The following DOCK10 variants were observed in gnomAD, a reference collection of about 807,000 sequenced individuals.
DOCK10 encodes the protein dedicator of cytokinesis protein 10.
In DOCK10, 145 loss-of-function variants were observed where a neutral mutation model predicts 280.1. The observed-to-expected ratio is 0.52, with a 90% CI of 0.45 to 0.59. DOCK10 has a LOEUF of 0.59. Among genes scored for constraint, DOCK10 ranks in the 20% least tolerant of loss-of-function variants. DOCK10 has a pLI of 0.00. For synonymous variants in DOCK10, 915 were observed against 942.2 expected, an observed-to-expected ratio of 0.97 and a Z score of 0.53; for missense variants, 2,368 against 2,651.7, an observed-to-expected ratio of 0.89 and a Z score of 2.35.
chr2:224,785,919 G>A (rs533235577), intron 50 of DOCK10, among the ~76,000 whole-genome samples: 5 of 152,312 alleles, frequency 3.3e-5, no homozygotes, highest in African/African-American at 4.8e-5. Flanking sequence ...AGCTGAGGCC[G>A]GGTGTGGTGG....
chr2:224,956,554 G>A (rs1360371491), intron 1 of DOCK10, among the ~76,000 whole-genome samples: 1 of 151,154 alleles, frequency 6.6e-6, no homozygotes, highest in African/African-American at 2.4e-5. Context: ...AACCTCGGAG[G>A]TGGAGGTTGC....
chr2:224,885,285 C>A (rs1450448910), intron 7 of DOCK10, among the ~76,000 whole-genome samples: 1 of 152,200 alleles, frequency 6.6e-6, no homozygotes. Flanking sequence ...CAGGTGTGAG[C>A]CCCTGCGCCT....
At chr2:224,921,108 A>ATATATATATATATATATAT (rs1553613930) in intron 2 of DOCK10, among the ~76,000 whole-genome samples, 3 of 71,064 alleles carry the variant, frequency 4.2e-5, no homozygotes, top group African/African-American at 3.1e-4. Flanking sequence ...AAAAAAAAAA[A>ATATATATATATATATATAT]AAAAATATAT....
At chr2:224,951,030 T>G (rs1211513407) in intron 1 of DOCK10, among the ~76,000 whole-genome samples, 1 of 152,168 alleles carries the variant, frequency 6.6e-6, no homozygotes, top group African/African-American at 2.4e-5. Flanking sequence ...AAAGATTCAG[T>G]GTGAGAGATA....
Position 224,774,976 on chromosome 2 carries a change from G to A in DOCK10, c.5942C>T (p.Thr1981Ile). Reference sequence around the variant, plus strand: ...CTTCTTGCCCGACAGCGTGAAGGGTGTCTCGAAGACAAAGCGGTTGATGTT... The same window carrying A: ...CTTCTTGCCCGACAGCGTGAAGGGTATCTCGAAGACAAAGCGGTTGATGTT... ...HHNINRFVFE[T>I]PFTLSGKKHG... Residue 1981 changes from threonine (T) to isoleucine (I), a missense_variant, in exon 52 of 56, where the codon ACA becomes ATA. Around this residue, in one of 2 missense-constraint regions of DOCK10, gnomAD observed 1,159 missense variants for 1,400.8 expected, o/e 0.83. Coordinates refer to ENST00000258390, the MANE Select transcript of DOCK10 (RefSeq NM_014689.3). The A allele has an allele frequency of 1.2e-6, 2 of 1,612,714 alleles. No homozygotes were observed. Among genetic ancestry groups the A allele is most frequent in the Non-Finnish European group, 1.7e-6 (2 of 1,179,372 alleles).
intron 2 of DOCK10, 78 bp from the exon 3 acceptor site, chr2:224,916,862 G>T: frequency 9.2e-7 from 1 of 1,089,094 alleles, no homozygotes; most frequent in Non-Finnish European, 1.4e-6. Flanking sequence ...ACACACAAAA[G>T]GGAAGTCTTT....
At chr2:225,028,877 A>G (rs1243719267) in intron 1 of DOCK10, among the ~76,000 whole-genome samples, 1 of 152,190 alleles carries the variant, frequency 6.6e-6, no homozygotes, top group Admixed American at 6.5e-5. Context: ...GACATCACAT[A>G]TTCAAGAAGT....
chr2:224,922,787 G>A (rs1701838530), intron 2 of DOCK10, among the ~76,000 whole-genome samples: 3 of 152,154 alleles, frequency 2.0e-5, no homozygotes, highest in African/African-American at 7.2e-5. Context: ...TCTTGGGGCT[G>A]AGAAAAGCTT....
At chr2:224,958,249 C>T (rs1386858248) in intron 1 of DOCK10, among the ~76,000 whole-genome samples, 1 of 152,210 alleles carries the variant, frequency 6.6e-6, no homozygotes, top group Non-Finnish European at 1.5e-5. Flanking sequence ...TCATCTTGAG[C>T]TGCGCTGCTA....
intron 50 of DOCK10, among the ~76,000 whole-genome samples, chr2:224,785,727 G>A (rs980111558): frequency 3.3e-5 from 5 of 152,136 alleles, no homozygotes; most frequent in African/African-American, 9.7e-5. Flanking sequence ...TGATCCGCCC[G>A]CCTCAGCCTC....
At chr2:224,936,182 C>T (rs1308473329) in intron 1 of DOCK10, among the ~76,000 whole-genome samples, 1 of 152,160 alleles carries the variant, frequency 6.6e-6, no homozygotes, top group South Asian at 2.1e-4. Context: ...TTAGTACATG[C>T]CATAAATAAT....
At chr2:224,843,295 T>C (rs16866217) in intron 22 of DOCK10, among the ~76,000 whole-genome samples, 2,644 of 152,180 alleles carry the variant, frequency 0.017, 81 homozygotes, top group African/African-American at 0.059. Flanking sequence ...ATGCTGCCAG[T>C]GCATGGGTAG....
At chr2:224,845,119 CTT>C in intron 21 of DOCK10, 82 bp downstream of exon 21, 1 of 1,389,284 alleles carries the variant, frequency 7.2e-7, no homozygotes. Flanking sequence ...CCACTATGAT[CTT>C]AAGTAGCAGA....
intron 3 of DOCK10, among the ~76,000 whole-genome samples, chr2:224,909,436 C>A (rs555231530): frequency 6.6e-6 from 1 of 152,224 alleles, no homozygotes; most frequent in Non-Finnish European, 1.5e-5. Context: ...TTTTTCATAT[C>A]CCTATTTAAA....
At chr2:224,866,058 G>A (rs1053599948) in intron 11 of DOCK10, among the ~76,000 whole-genome samples, 2 of 152,170 alleles carry the variant, frequency 1.3e-5, no homozygotes, top group Non-Finnish European at 2.9e-5. Context: ...TCCAAGTCAG[G>A]AAAGTGATAT....
At chr2:224,842,323 A>C (rs1012203842) in intron 22 of DOCK10, among the ~76,000 whole-genome samples, 1 of 152,238 alleles carries the variant, frequency 6.6e-6, no homozygotes, top group Admixed American at 6.5e-5. Context: ...TTTTAGGCTT[A>C]GAATGCCTGA....
At chr2:225,013,620 A>G (rs192425263) in intron 1 of DOCK10, among the ~76,000 whole-genome samples, 1 of 152,284 alleles carries the variant, frequency 6.6e-6, no homozygotes, top group East Asian at 1.9e-4. Context: ...CGCATTCCCT[A>G]GATAATAACC....
At chr2:224,975,027 T>C (rs1236400012) in intron 1 of DOCK10, among the ~76,000 whole-genome samples, 1 of 151,532 alleles carries the variant, frequency 6.6e-6, no homozygotes, top group Non-Finnish European at 1.5e-5. Flanking sequence ...TTTTAGATTT[T>C]AAGCTGTTTT....
At chr2:224,933,511 C>T (rs1409043599) in intron 1 of DOCK10, among the ~76,000 whole-genome samples, 1 of 152,194 alleles carries the variant, frequency 6.6e-6, no homozygotes, top group African/African-American at 2.4e-5. Flanking sequence ...GCCTTCAAGT[C>T]TGAAACAGTT....
Sources: gnomAD v4.1 joint callset for allele counts (sites outside exome capture counted in the v4.1 genomes callset) on GRCh38, gnomAD v4.1.1 for gene constraint, gnomAD v4.1.1 regional missense constraint, MANE v1.5 for transcripts, NCBI Gene and HGNC (gene_info 2026-07-23, HGNC 2026-07-21) for gene names.